The following ARMH4 variants were observed in gnomAD, a reference collection of about 807,000 sequenced individuals.
ARMH4 encodes armadillo-like helical domain-containing protein 4.
ARMH4 carries 49 observed loss-of-function variants against 61.9 expected under a neutral mutation model. The observed-to-expected ratio is 0.79, with a 90% CI of 0.63 to 1.00. The LOEUF (loss-of-function observed/expected upper bound fraction) is 1.00. ARMH4 is among the 50% of genes least tolerant of loss of function. The pLI, the probability that ARMH4 is intolerant of heterozygous loss-of-function variation, is 0.00. For missense variants in ARMH4, 934 were observed against 930.0 expected (o/e 1.00, Z -0.06); for synonymous variants, 368 against 341.5 (o/e 1.08, Z -0.85).
At chr14:58,014,258 G>A (rs1372462313) in intron 5 of ARMH4, among the ~76,000 whole-genome samples, 1 of 152,044 alleles carries the variant, frequency 6.6e-6, no homozygotes, top group Non-Finnish European at 1.5e-5. Flanking sequence ...AGCTCCCTCT[G>A]TCTCAAAGGG....
chr14:58,142,771 C>CTT lies in ARMH4; in HGVS notation c.-56-3359_-56-3358dup, dbSNP rs570653583. Among the ~76,000 whole-genome samples the CTT allele has an allele frequency of 2.3e-3, 343 of 152,248 alleles. 2 individuals are homozygous for CTT. Among genetic ancestry groups the CTT allele is most frequent in the Admixed American group, 0.017 (255 of 15,290 alleles). ...ACAAGCGTGAGCTCCCCTCCCCTTC[C>CTT]TTTCCCTTTCTTCTCTTTTTTTCTT... On this transcript the variant is annotated intron_variant, in intron 1 of 7. Coordinates refer to ENST00000267485, the MANE Select transcript of ARMH4 (RefSeq NM_001001872.4).
chr14:58,123,967 T>C (rs1298358417), intron 4 of ARMH4, among the ~76,000 whole-genome samples: 2 of 152,146 alleles, frequency 1.3e-5, no homozygotes, highest in Admixed American at 1.3e-4. Flanking sequence ...TCACAGCAGG[T>C]TAAATACTTA....
chr14:58,107,620 C>T (rs1313133809), intron 4 of ARMH4, among the ~76,000 whole-genome samples: 1 of 151,944 alleles, frequency 6.6e-6, no homozygotes, highest in Non-Finnish European at 1.5e-5. Flanking sequence ...AAAATTTAGC[C>T]GGGCGTAGTG....
chr14:58,062,678 C>T (rs1306603712), intron 5 of ARMH4, among the ~76,000 whole-genome samples: 2 of 152,228 alleles, frequency 1.3e-5, no homozygotes, highest in Non-Finnish European at 2.9e-5. Flanking sequence ...CAGCAGCCCC[C>T]AGAGATAGGC....
At chr14:58,045,742 T>C (rs1259533990) in intron 5 of ARMH4, among the ~76,000 whole-genome samples, 1 of 151,950 alleles carries the variant, frequency 6.6e-6, no homozygotes, top group Non-Finnish European at 1.5e-5. Flanking sequence ...ATAATTAAAT[T>C]AAAATGAGGT....
intron 5 of ARMH4, among the ~76,000 whole-genome samples, chr14:58,025,853 C>T (rs1883002927): frequency 1.3e-5 from 2 of 152,006 alleles, no homozygotes; most frequent in Non-Finnish European, 2.9e-5. Context: ...ATAGAATGAC[C>T]CACTTCTTTG....
chr14:58,058,125 C>T (rs7142575), intron 5 of ARMH4, among the ~76,000 whole-genome samples: 44,969 of 152,054 alleles, frequency 0.3, 7,418 homozygotes, highest in Non-Finnish European at 0.37. Context: ...CAGGACAACC[C>T]TTGGATACCA....
intron 5 of ARMH4, among the ~76,000 whole-genome samples, chr14:58,096,145 G>A (rs1291117768): frequency 6.6e-6 from 1 of 152,132 alleles, no homozygotes; most frequent in Admixed American, 6.5e-5. Flanking sequence ...GGCCACCCTA[G>A]CTGCTGAAAT....
At chr14:58,139,460 G>T in intron 1 of ARMH4, 46 bp from the exon 2 acceptor site, 1 of 1,054,658 alleles carries the variant, frequency 9.5e-7, no homozygotes, top group Non-Finnish European at 1.4e-6. Flanking sequence ...AATACATGTT[G>T]TAAATAAGTC....
chr14:58,141,378 G>T, intron 1 of ARMH4: 1 of 518,000 alleles, frequency 1.9e-6, no homozygotes, highest in Non-Finnish European at 3.9e-6. Context: ...TTCAGGACAA[G>T]GAGGGTATCC....
chr14:58,052,429 A>G (rs1263327090), intron 5 of ARMH4, among the ~76,000 whole-genome samples: 1 of 151,562 alleles, frequency 6.6e-6, no homozygotes, highest in Non-Finnish European at 1.5e-5. Context: ...AACATTCTAA[A>G]AATACTAGAT....
At position 58,033,285 on chromosome 14, in the gene ARMH4, AG is replaced by A. The variant is rs1344608411; in HGVS notation, c.2090-21136del. Among the ~76,000 whole-genome samples, 5 of 112,206 alleles carry A rather than the reference AG, an allele frequency of 4.5e-5. No individual in the cohort carries two copies. The East Asian group carries it at 1.1e-3, about 25-fold the overall frequency. 73.6% of individuals were successfully genotyped at this position (112,206 alleles called of 152,430 possible). A position where few individuals can be genotyped will look rare whatever the true frequency, so the allele number is the denominator to read the frequency against. The stretch of plus-strand genomic sequence containing the variant: ...CCTAACTGGGAGGCACCCCCCCAGC[AG>A]GGGCACACTGACACCTCACACGGCA... On this transcript the variant is annotated intron_variant, in intron 5 of 7. Transcript: ENST00000267485.
rs1466733688 is a variant in ARMH4 at position 58,017,781 on chromosome 14, TA to T, written c.2090-5632del. Among the ~76,000 whole-genome samples the T allele has an allele frequency of 5.7e-4, 87 of 152,210 alleles. 2 individuals carry two copies. Among genetic ancestry groups the T allele is most frequent in the African/African-American group, 2.0e-3 (85 of 41,546 alleles). On this transcript the variant is annotated intron_variant, in intron 5 of 7. Transcript: ENST00000267485. ...TCACAGAAATAGAGAAAAACGATCT[TA>T]AAATTTGTATGGAACCACAAAATAG...
intron 5 of ARMH4, among the ~76,000 whole-genome samples, chr14:58,093,993 T>C (rs1393797618): frequency 1.3e-5 from 2 of 152,140 alleles, no homozygotes; most frequent in Non-Finnish European, 2.9e-5. Flanking sequence ...AAGTCATTTT[T>C]AAAAGAATAA....
At chr14:58,041,901 T>C (rs1883721537) in intron 5 of ARMH4, among the ~76,000 whole-genome samples, 2 of 152,206 alleles carry the variant, frequency 1.3e-5, no homozygotes, top group Admixed American at 6.5e-5. Context: ...GGTAACTATC[T>C]TAAATATATA....
chr14:58,066,007 C>T (rs1344953535), intron 5 of ARMH4, among the ~76,000 whole-genome samples: 1 of 152,216 alleles, frequency 6.6e-6, no homozygotes, highest in African/African-American at 2.4e-5. Context: ...TAGGAGGAGC[C>T]TCCACTGATT....
intron 5 of ARMH4, among the ~76,000 whole-genome samples, chr14:58,030,084 A>G (rs1453158029): frequency 1.3e-5 from 2 of 152,230 alleles, no homozygotes; most frequent in African/African-American, 4.8e-5. Context: ...AAAACATTAC[A>G]CTAAGTGAAT....
At chr14:58,023,984 G>A (rs141729123) in intron 5 of ARMH4, among the ~76,000 whole-genome samples, 1 of 152,254 alleles carries the variant, frequency 6.6e-6, no homozygotes, top group African/African-American at 2.4e-5. Context: ...CTGTCATCCA[G>A]GCTTTGTTGT....
At position 58,139,173 on chromosome 14, in the gene ARMH4, T is replaced by G. The variant is rs764143330; in HGVS notation, c.186A>C (p.Ser62=). 8 of 1,614,060 alleles carry G rather than the reference T, an allele frequency of 5.0e-6. No homozygotes were observed. Among genetic ancestry groups the G allele is most frequent in the South Asian group, 1.1e-5 (1 of 91,086 alleles). The change falls in exon 2 of 8, where the codon TCA becomes TCC. Residue 62 remains serine, a synonymous_variant. Transcript: ENST00000267485. ...TDDLENSSVT[S]KQTPQLVVSE... Reference sequence around the variant, plus strand: ...AGACCACCAGTTGGGGAGTCTGCTTTGAGGTAACAGAGCTATTTTCTAGGT... The same window carrying G: ...AGACCACCAGTTGGGGAGTCTGCTTGGAGGTAACAGAGCTATTTTCTAGGT...
Sources: allele counts gnomAD v4.1 joint callset (sites outside exome capture counted in the v4.1 genomes callset), GRCh38; gene constraint gnomAD v4.1.1; transcripts MANE v1.5; gene names NCBI Gene and HGNC (gene_info 2026-07-23, HGNC 2026-07-21).